The following AGBL4 variants were observed in gnomAD, a reference collection of about 807,000 sequenced individuals.
The protein encoded by AGBL4 is AGBL carboxypeptidase 4, also known as cytosolic carboxypeptidase 6.
Under a neutral mutation model 66.4 loss-of-function variants are expected in AGBL4, and 58 were observed. That is an observed-to-expected ratio of 0.87 (90% CI 0.71 to 1.09). The LOEUF (loss-of-function observed/expected upper bound fraction) is 1.09, where lower values mean the gene tolerates loss of function less well. Ranked by LOEUF, AGBL4 falls within the 50% of genes least tolerant of loss-of-function variation. The probability of loss-of-function intolerance (pLI) is 0.00; values close to 1 mark genes in which losing one functional copy is unlikely to be tolerated. For synonymous variants in AGBL4, 234 were observed against 222.9 expected, an observed-to-expected ratio of 1.05 and a Z score of -0.44; for missense variants, 579 against 631.0, an observed-to-expected ratio of 0.92 and a Z score of 0.88.
intron 1 of AGBL4, chr1:50,017,025 T>C (rs1662038620): frequency 6.6e-6 from 1 of 151,924 alleles, no homozygotes; most frequent in Non-Finnish European, 1.5e-5. Flanking sequence ...AGGAAAGACA[T>C]GGAATCAACC....
chr1:49,409,759 A>C (rs1475424455), intron 3 of AGBL4, among the ~76,000 whole-genome samples: 1 of 152,242 alleles, frequency 6.6e-6, no homozygotes, highest in Non-Finnish European at 1.5e-5. Context: ...GTAGAAAATC[A>C]ATACGTGCTA....
chr1:48,729,417 G>T (rs1007500685), intron 6 of AGBL4, among the ~76,000 whole-genome samples: 1 of 152,192 alleles, frequency 6.6e-6, no homozygotes, highest in African/African-American at 2.4e-5. Flanking sequence ...GACTCTTTGA[G>T]CCTGAGTTTT....
intron 2 of AGBL4, among the ~76,000 whole-genome samples, chr1:49,724,587 C>T (rs182598049): frequency 1.3e-5 from 2 of 152,190 alleles, no homozygotes; most frequent in East Asian, 3.9e-4. Context: ...TTCTTATTAA[C>T]TGCTGTCAAG....
chr1:48,599,898 T>C (rs1412451453), intron 9 of AGBL4, among the ~76,000 whole-genome samples: 1 of 152,068 alleles, frequency 6.6e-6, no homozygotes, highest in East Asian at 1.9e-4. Flanking sequence ...ATCATTGAGG[T>C]GTGTGTAACA....
chr1:49,538,268 T>C (rs990388465), intron 3 of AGBL4, among the ~76,000 whole-genome samples: 3 of 152,188 alleles, frequency 2.0e-5, no homozygotes, highest in Non-Finnish European at 4.4e-5. Context: ...CATTCATCCA[T>C]CAAAAGGAAT....
intron 2 of AGBL4, among the ~76,000 whole-genome samples, chr1:49,705,566 T>G (rs1647194556): frequency 6.6e-6 from 1 of 152,226 alleles, no homozygotes; most frequent in Non-Finnish European, 1.5e-5. Context: ...AGCCAGAACT[T>G]TCAATACTAT....
chr1:49,810,792 G>A (rs1645082460), intron 2 of AGBL4, among the ~76,000 whole-genome samples: 1 of 152,098 alleles, frequency 6.6e-6, no homozygotes, highest in Non-Finnish European at 1.5e-5. Context: ...AAGTTTTTTA[G>A]TAGAAAGTGA....
Position 48,761,418 on chromosome 1 carries a change from G to A in AGBL4, c.635-98177C>T. 7.1e-6 allele frequency: 11 copies of A among 1,551,468 alleles called. 1 individual carries two copies. The highest frequency in any genetic ancestry group is 9.6e-6 in the Non-Finnish European group (11 of 1,146,878). On this transcript the variant is annotated intron_variant, in intron 6 of 13. Coordinates refer to ENST00000371839, the MANE Select transcript of AGBL4 (RefSeq NM_032785.4). The stretch of plus-strand genomic sequence containing the variant: ...CTTCTACATGATTAAGAGAAAGCTT[G>A]GGGATTTTTATTTTCTTCTGCATCA...
At chr1:49,932,203 T>C (rs1201578904) in intron 1 of AGBL4, among the ~76,000 whole-genome samples, 1 of 152,076 alleles carries the variant, frequency 6.6e-6, no homozygotes, top group Non-Finnish European at 1.5e-5. Context: ...AAACTAGACA[T>C]ACATGGTCAG....
At chr1:48,552,406 A>G (rs1644262900) in intron 11 of AGBL4, among the ~76,000 whole-genome samples, 3 of 152,236 alleles carry the variant, frequency 2.0e-5, no homozygotes, top group Admixed American at 6.5e-5. Flanking sequence ...CAGATAAGTT[A>G]TCAATCACCT....
chr1:49,544,188 T>G (rs1016039346), intron 3 of AGBL4, among the ~76,000 whole-genome samples: 1 of 152,204 alleles, frequency 6.6e-6, no homozygotes, highest in Non-Finnish European at 1.5e-5. Flanking sequence ...CAAAGTAATA[T>G]AATTCTCTTG....
chr1:49,828,011 C>T (rs1376959584), intron 2 of AGBL4, among the ~76,000 whole-genome samples: 2 of 151,922 alleles, frequency 1.3e-5, no homozygotes, highest in Non-Finnish European at 2.9e-5. Flanking sequence ...AATTTTTAGA[C>T]AAAATGTTAT....
intron 6 of AGBL4, among the ~76,000 whole-genome samples, chr1:48,724,643 T>G (rs1647202869): frequency 6.6e-6 from 1 of 152,170 alleles, no homozygotes; most frequent in African/African-American, 2.4e-5. Flanking sequence ...ATGAGATACA[T>G]CAGAGTGCTT....
At chr1:49,578,654 A>G (rs1232173475) in intron 3 of AGBL4, among the ~76,000 whole-genome samples, 1 of 152,210 alleles carries the variant, frequency 6.6e-6, no homozygotes, top group African/African-American at 2.4e-5. Context: ...TCATATCAGC[A>G]TTTAAGTATT....
chr1:48,534,841 T>C (rs770447634), intron 13 of AGBL4, 49 bp downstream of exon 13: 75 of 1,529,646 alleles, frequency 4.9e-5, no homozygotes, highest in Non-Finnish European at 6.3e-5. Flanking sequence ...CTGGAGCACA[T>C]GCATGGTATG....
At chr1:48,873,491 C>T (rs953475684) in intron 5 of AGBL4, among the ~76,000 whole-genome samples, 49 of 152,224 alleles carry the variant, frequency 3.2e-4, no homozygotes, top group African/African-American at 1.1e-3. Context: ...TTTCCGTGAC[C>T]TCCTCACTCC....
At chr1:49,946,478 C>A (rs1007429578) in intron 1 of AGBL4, among the ~76,000 whole-genome samples, 1 of 151,792 alleles carries the variant, frequency 6.6e-6, no homozygotes, top group Non-Finnish European at 1.5e-5. Flanking sequence ...ACAATGAAAT[C>A]AAGATGGAAA....
At chr1:48,701,814 T>C (rs1557888965) in intron 6 of AGBL4, among the ~76,000 whole-genome samples, 1 of 152,142 alleles carries the variant, frequency 6.6e-6, no homozygotes, top group East Asian at 1.9e-4. Context: ...AATAAAACAA[T>C]AAAAATCCAT....
intron 1 of AGBL4, among the ~76,000 whole-genome samples, chr1:49,949,937 A>G (rs1367628587): frequency 1.3e-5 from 2 of 149,090 alleles, no homozygotes; most frequent in Non-Finnish European, 3.0e-5. Context: ...CAATTGCAAA[A>G]ATGTGGAAAC....
Sources: allele counts gnomAD v4.1 joint callset (sites outside exome capture counted in the v4.1 genomes callset), GRCh38; gene constraint gnomAD v4.1.1; transcripts MANE v1.5; gene names NCBI Gene and HGNC (gene_info 2026-07-23, HGNC 2026-07-21).